The following TAF6 variants were observed in gnomAD, a reference collection of about 807,000 sequenced individuals.
TAF6 encodes the protein transcription initiation factor TFIID subunit 6.
A neutral mutation model predicts 73.5 loss-of-function variants in TAF6; 50 were observed. That is an observed-to-expected ratio of 0.68 (90% CI 0.54 to 0.86). The LOEUF is 0.86. Among genes scored for constraint, TAF6 ranks in the 40% least tolerant of loss-of-function variants. TAF6 has a pLI of 0.00. For synonymous variants in TAF6, 424 were observed against 376.7 expected (o/e 1.13, Z -1.45); for missense variants, 768 against 899.5 (o/e 0.85, Z 1.87).
upstream of TAF6, among the ~76,000 whole-genome samples, chr7:100,121,635 G>A (rs1798070277): frequency 6.6e-6 from 1 of 150,686 alleles, no homozygotes; most frequent in Non-Finnish European, 1.5e-5. Context: ...AATAGAGATG[G>A]GGTTTCACCA....
intron 12 of TAF6, 38 bp from the exon 13 acceptor site, chr7:100,108,578 G>A (rs746516738): frequency 6.4e-5 from 100 of 1,559,728 alleles, no homozygotes; most frequent in Non-Finnish European, 8.4e-5. Context: ...AGGGAGGGCT[G>A]GGGAAAAAAG....
intron 1 of TAF6, 81 bp from the exon 2 acceptor site, chr7:100,114,349 C>G (rs757201964): frequency 3.8e-5 from 52 of 1,383,726 alleles, no homozygotes; most frequent in Non-Finnish European, 4.9e-5. Flanking sequence ...ACAGTGGAGA[C>G]AGGGGAGGAA....
At position 100,114,245 on chromosome 7, in the gene TAF6, G is replaced by A. The variant is rs1797484424; in HGVS notation, c.-36C>T. 6.2e-7 allele frequency: 1 copy of A among 1,613,896 alleles called. No individual in the cohort carries two copies. Among genetic ancestry groups the A allele is most frequent in the Non-Finnish European group, 8.5e-7 (1 of 1,180,030 alleles). On this transcript the variant is annotated 5_prime_UTR_variant, in exon 2 of 15. Coordinates refer to ENST00000453269, the MANE Select transcript of TAF6 (RefSeq NM_139315.3). ...CTCTTCTCCTCCCTGGAAGGATGAAGCCCCCGGTGGAGAGACGGAGACCCT... is the reference window on the plus strand; with the variant it reads ...CTCTTCTCCTCCCTGGAAGGATGAAACCCCCGGTGGAGAGACGGAGACCCT...
chr7:100,127,139 T>G, the TAF6 span: 4 of 519,882 alleles, frequency 7.7e-6, no homozygotes, highest in South Asian at 9.6e-5. This position sits in a 1 kb window ranked among gnomAD's most constrained non-coding sequence, Gnocchi z 4.6. Flanking sequence ...AGGACGTACG[T>G]ACCGCGAACG....
chr7:100,117,264 G>C (rs767973675), intron 1 of TAF6, among the ~76,000 whole-genome samples: 12 of 142,186 alleles, frequency 8.4e-5, no homozygotes, highest in East Asian at 2.2e-4. Context: ...TCTAGACAGG[G>C]CTCTTTTTTT....
At chr7:100,119,049 G>A (rs1797920420) in intron 1 of TAF6, 155 bp downstream of exon 1, 1 of 985,842 alleles carries the variant, frequency 1.0e-6, no homozygotes, top group South Asian at 4.7e-5. Context: ...GCGTCCCAGG[G>A]AAGGGTTAAC....
At chr7:100,107,806 G>A (rs998936878) in intron 14 of TAF6, 120 bp downstream of exon 14, 14 of 1,391,856 alleles carry the variant, frequency 1.0e-5, no homozygotes, top group East Asian at 4.9e-5. Context: ...CCTGGTGGGC[G>A]CCTCTTCCAG....
upstream of TAF6, chr7:100,122,773 T>TA: frequency 1.2e-6 from 2 of 1,608,892 alleles, no homozygotes; most frequent in Middle Eastern, 1.7e-4. Flanking sequence ...GCCAAATTCT[T>TA]AATCTCTCAG....
chr7:100,114,416 AG>A lies in TAF6; in HGVS notation c.-59-149del, dbSNP rs763185096. ...GTCAGCCCTGAGGTGTAACAGAGAA[AG>A]ATACAAATCTGGGCTGGGGCCAGGT... On this transcript the variant is annotated intron_variant, in intron 1 of 14. Transcript: ENST00000453269. 3.6e-5 allele frequency: 30 copies of A among 830,556 alleles called. 1 individual carries two copies. Among genetic ancestry groups the A allele is most frequent in the Admixed American group, 2.7e-4 (13 of 47,508 alleles). The allele number at this position is 830,556 out of a possible 1,614,324, so 51.4% of individuals were successfully genotyped here.
At chr7:100,111,448 G>A (rs2116777845) in intron 9 of TAF6, 127 bp from the exon 10 acceptor site, 4 of 1,204,798 alleles carry the variant, frequency 3.3e-6, no homozygotes, top group South Asian at 1.5e-5. Flanking sequence ...AATCTCCCGG[G>A]CTCAAGCAAT....
chr7:100,119,564 A>C (rs1465928868), upstream of TAF6: 7 of 1,424,384 alleles, frequency 4.9e-6, no homozygotes, highest in Non-Finnish European at 6.6e-6. Context: ...AGGCGCCACA[A>C]AACGGAGGCA....
intron 1 of TAF6, among the ~76,000 whole-genome samples, chr7:100,117,267 CTT>C (rs1181165298): frequency 9.5e-5 from 10 of 105,074 alleles, no homozygotes; most frequent in Admixed American, 1.0e-4. Context: ...AGACAGGGCT[CTT>C]TTTTTTTTTT....
At chr7:100,125,276 G>A in the TAF6 span, 10 of 184,940 alleles carry the variant, frequency 5.4e-5, no homozygotes, top group Non-Finnish European at 5.7e-5. Flanking sequence ...CAAGGAAGAG[G>A]CCAGAACGGA....
intron 13 of TAF6, 113 bp downstream of exon 13, chr7:100,108,254 T>A: frequency 6.9e-7 from 1 of 1,454,042 alleles, no homozygotes; most frequent in Non-Finnish European, 9.1e-7. Flanking sequence ...ACTCAGGGCC[T>A]GGTTGCCCTG....
At chr7:100,109,229 C>T (rs1485193918) in intron 12 of TAF6, among the ~76,000 whole-genome samples, 4 of 151,046 alleles carry the variant, frequency 2.6e-5, no homozygotes, top group Admixed American at 6.6e-5. Flanking sequence ...GAGGCTGAGG[C>T]ATGAGAATTG....
At chr7:100,111,641 G>A (rs1797189322) in intron 9 of TAF6, 87 bp downstream of exon 9, 1 of 1,403,574 alleles carries the variant, frequency 7.1e-7, no homozygotes, top group Non-Finnish European at 1.0e-6. Context: ...TGGGATTTCA[G>A]GTGTGAGCCA....
chr7:100,107,780 T>C (rs1331517159), intron 14 of TAF6, 146 bp downstream of exon 14: 19 of 1,371,876 alleles, frequency 1.4e-5, no homozygotes, highest in Middle Eastern at 5.0e-4. Flanking sequence ...GCAGGGCAGC[T>C]ACAGCCCTGC....
intron 12 of TAF6, among the ~76,000 whole-genome samples, chr7:100,109,615 G>T (rs1423969872): frequency 6.8e-6 from 1 of 146,376 alleles, no homozygotes; most frequent in Admixed American, 7.0e-5. Context: ...TCCCACCTCG[G>T]CCTCCCTAGT....
chr7:100,127,124 G>GGGCAA, the TAF6 span: 2 of 498,326 alleles, frequency 4.0e-6, no homozygotes, highest in Non-Finnish European at 7.1e-6. This position sits in a 1 kb window ranked among gnomAD's most constrained non-coding sequence, Gnocchi z 4.6. Flanking sequence ...GGAGGGTGAC[G>GGGCAA]GGCAAGGACG....
Sources: allele counts gnomAD v4.1 joint callset (sites outside exome capture counted in the v4.1 genomes callset), GRCh38; gene constraint gnomAD v4.1.1; non-coding constraint Gnocchi (gnomAD v3.1); transcripts MANE v1.5; gene names NCBI Gene and HGNC (gene_info 2026-07-23, HGNC 2026-07-21).